SLC9B1: variants seen among roughly 807,000 people sequenced by gnomAD.
The protein encoded by SLC9B1 is solute carrier family 9 member B1.
SLC9B1 carries 32 observed loss-of-function variants against 51.7 expected under a neutral mutation model. The ratio of observed to expected loss-of-function variants is 0.62; its 90% CI spans 0.47 to 0.83. The LOEUF is 0.83. Ranked by LOEUF, SLC9B1 falls within the 40% of genes least tolerant of loss-of-function variation. The pLI, the probability that SLC9B1 is intolerant of heterozygous loss-of-function variation, is 0.00. For synonymous variants in SLC9B1, 145 were observed against 212.7 expected (o/e 0.68, Z 2.77); for missense variants, 406 against 613.2 (o/e 0.66, Z 3.57).
rs1229198896 is a variant in SLC9B1 at position 102,932,209 on chromosome 4, T to G, written c.744A>C (p.Pro248=). ...TACTGCTAGCAGCCATTAATAAGGT[T>G]GGAATGCCTTCCTCAACACCATATC... The part of the protein sequence containing the change: ...ENGYGVEEGI[P]TLLMAASSMD... The change falls in exon 7 of 12, where the codon CCA becomes CCC. Residue 248 remains proline, a synonymous_variant. Transcript: ENST00000296422. 6.2e-7 allele frequency: 1 copy of G among 1,611,820 alleles called. No homozygotes were observed. Among genetic ancestry groups the G allele is most frequent in the African/African-American group, 1.3e-5 (1 of 74,866 alleles).
chr4:102,920,999 C>G (rs1487234522), intron 7 of SLC9B1, among the ~76,000 whole-genome samples: 1 of 152,206 alleles, frequency 6.6e-6, no homozygotes, highest in African/African-American at 2.4e-5. Context: ...AGGATATTAT[C>G]CAGGAGAACT....
chr4:102,958,109 A>G (rs1737901487), intron 3 of SLC9B1, among the ~76,000 whole-genome samples: 1 of 152,196 alleles, frequency 6.6e-6, no homozygotes, highest in Non-Finnish European at 1.5e-5. Flanking sequence ...TCCCTGCCCA[A>G]ATCTCATGTT....
intron 3 of SLC9B1, among the ~76,000 whole-genome samples, chr4:102,950,162 G>A (rs1737476228): frequency 6.6e-6 from 1 of 152,170 alleles, no homozygotes; most frequent in Admixed American, 6.6e-5. Context: ...GAAGATCACA[G>A]TGTCAAGGTG....
chr4:102,980,832 C>T (rs774083095), intron 3 of SLC9B1, among the ~76,000 whole-genome samples: 3 of 152,150 alleles, frequency 2.0e-5, no homozygotes, highest in Non-Finnish European at 2.9e-5. Flanking sequence ...AATTGATAAA[C>T]CTATATTAAC....
At chr4:102,891,226 A>T (rs1734233067) in intron 11 of SLC9B1, 1 of 152,048 alleles carries the variant, frequency 6.6e-6, no homozygotes, top group Non-Finnish European at 1.5e-5. Context: ...GGCAGCAGCT[A>T]CCCAGAGTCT....
chr4:102,924,850 A>G (rs1337941403), intron 7 of SLC9B1, among the ~76,000 whole-genome samples: 2 of 152,216 alleles, frequency 1.3e-5, no homozygotes, highest in Non-Finnish European at 2.9e-5. Flanking sequence ...CAAAACCACA[A>G]TGAGATACCA....
At position 102,910,513 on chromosome 4, in the gene SLC9B1, C is replaced by T. The variant is rs1246600299; in HGVS notation, c.1012G>A (p.Gly338Ser). The T allele has an allele frequency of 1.9e-6, 3 of 1,562,482 alleles. No individual in the cohort carries two copies. Among genetic ancestry groups the T allele is most frequent in the Non-Finnish European group, 1.7e-6 (2 of 1,158,402 alleles). ...VSAVLGSQRI[G>S]LHGSGGLCTL... Reference sequence around the variant, plus strand: ...CATAATCCTCCAGATCCATGTAAACCAATACGTTGGCTGCCTAAGACGGCA... The same window carrying T: ...CATAATCCTCCAGATCCATGTAAACTAATACGTTGGCTGCCTAAGACGGCA... Residue 338 changes from glycine to serine, a missense_variant, in exon 9 of 12, where the codon GGT (glycine) becomes AGT (serine). By Grantham distance (56) the Gly-to-Ser change is moderately conservative. Transcript: ENST00000296422.
intron 1 of SLC9B1, among the ~76,000 whole-genome samples, chr4:103,018,429 A>G (rs1317857451): frequency 1.3e-5 from 2 of 152,252 alleles, no homozygotes; most frequent in African/African-American, 4.8e-5. Flanking sequence ...CTCACAGGGG[A>G]CAATACCTAT....
chr4:102,950,054 AT>A (rs1737471795), intron 3 of SLC9B1, among the ~76,000 whole-genome samples: 1 of 152,226 alleles, frequency 6.6e-6, no homozygotes, highest in Non-Finnish European at 1.5e-5. Flanking sequence ...TCATGGCAAT[AT>A]GATGAGATTT....
Position 102,932,151 on chromosome 4 carries a change from T to C in SLC9B1, c.802A>G (p.Thr268Ala). The change falls in exon 7 of 12, where the codon ACA (threonine) becomes GCA (alanine). Residue 268 changes from threonine to alanine, a missense_variant. By Grantham distance (58) the Thr-to-Ala change is moderately conservative. Transcript: ENST00000296422. ...DDILAITGFN[T>A]CLSIVFSSGG... ...GAGGAAAAGACTATGCTCAAGCATG[T>C]ATTGAATCCAGTGATAGCCAGAATG... 6.2e-7 allele frequency: 1 copy of C among 1,611,978 alleles called. No homozygotes were observed. The highest frequency in any genetic ancestry group is 8.5e-7 in the Non-Finnish European group (1 of 1,179,792).
Position 102,970,130 on chromosome 4 carries a change from AC to A in SLC9B1, c.211+19669del, listed in dbSNP as rs199924131. Among the ~76,000 whole-genome samples the A allele has an allele frequency of 8.0e-3, 1,215 of 152,328 alleles. 10 individuals carry two copies. Among genetic ancestry groups the A allele is most frequent in the African/African-American group, 0.016 (646 of 41,578 alleles). On this transcript the variant is annotated intron_variant, in intron 3 of 11. Coordinates refer to ENST00000296422, the MANE Select transcript of SLC9B1 (RefSeq NM_139173.4). Reference sequence around the variant, plus strand: ...AGGCCAACATTCAAATTCAGGAAATACAGAAAACATCACAAAGATACTCCTC... The same window carrying A: ...AGGCCAACATTCAAATTCAGGAAATAAGAAAACATCACAAAGATACTCCTC...
chr4:102,961,607 TC>T (rs1738132425), intron 3 of SLC9B1, among the ~76,000 whole-genome samples: 1 of 152,240 alleles, frequency 6.6e-6, no homozygotes, highest in African/African-American at 2.4e-5. Flanking sequence ...TCCTTTTCTT[TC>T]CTTTCTTTTT....
At chr4:102,947,591 G>A (rs990388473) in intron 4 of SLC9B1, among the ~76,000 whole-genome samples, 15 of 152,198 alleles carry the variant, frequency 9.9e-5, no homozygotes, top group African/African-American at 3.6e-4. Context: ...GGGCTCAGGT[G>A]GTCCTCCTGC....
At chr4:102,927,836 C>T (rs952159280) in intron 7 of SLC9B1, among the ~76,000 whole-genome samples, 2 of 152,100 alleles carry the variant, frequency 1.3e-5, no homozygotes, top group African/African-American at 4.8e-5. Context: ...AAATGTCCAT[C>T]AATGATGGAC....
intron 7 of SLC9B1, chr4:102,912,094 C>A: frequency 5.2e-6 from 1 of 190,678 alleles, no homozygotes. Context: ...GATCGTGACA[C>A]CACACTCCAG....
chr4:102,984,274 C>A (rs993660279), intron 3 of SLC9B1, among the ~76,000 whole-genome samples: 2 of 152,074 alleles, frequency 1.3e-5, no homozygotes, highest in Non-Finnish European at 2.9e-5. Flanking sequence ...CGTCACCACA[C>A]TCAGCTAATT....
rs184831031 is a variant in SLC9B1 at position 103,019,512 on chromosome 4, C to T, written c.-2+87G>A. 1.9e-3 allele frequency: 1,693 copies of T among 914,108 alleles called. 4 individuals carry two copies. Among genetic ancestry groups the T allele is most frequent in the South Asian group, 2.4e-3 (48 of 19,906 alleles). The allele number at this position is 914,108 out of a possible 1,614,324, so 56.6% of individuals were successfully genotyped here. ...CTGAGGGGGAGGAAAGGCCCTCCTG[C>T]GGCCTACCGCAAGGAAACGATCGCG... is the stretch of plus-strand genomic sequence containing the variant. On this transcript the variant is annotated intron_variant, in intron 1 of 11. Transcript: ENST00000296422.
chr4:102,915,842 A>T (rs1170458587), intron 7 of SLC9B1, among the ~76,000 whole-genome samples: 5 of 152,264 alleles, frequency 3.3e-5, no homozygotes, highest in African/African-American at 1.2e-4. Flanking sequence ...ATGTGATTAA[A>T]GTTAAGTTGT....
intron 1 of SLC9B1, among the ~76,000 whole-genome samples, chr4:103,002,719 T>C (rs890034296): frequency 6.6e-6 from 1 of 152,246 alleles, no homozygotes; most frequent in Non-Finnish European, 1.5e-5. Context: ...ATAATGCTAT[T>C]CCATTGCCTC....
Sources: allele counts gnomAD v4.1 joint callset (sites outside exome capture counted in the v4.1 genomes callset), GRCh38; gene constraint gnomAD v4.1.1; transcripts MANE v1.5; gene names NCBI Gene and HGNC (gene_info 2026-07-23, HGNC 2026-07-21).